Variants in TPD52L3 observed in about 807,000 individuals in gnomAD.
TPD52L3 encodes TPD52 like 3.
A neutral mutation model predicts 8.7 loss-of-function variants in TPD52L3; 12 were observed. That is an observed-to-expected ratio of 1.38 (90% CI 0.89 to 2.24). TPD52L3 has a LOEUF of 2.24. Ranked by LOEUF, TPD52L3 falls within the 30% of genes most tolerant of loss-of-function variation. The probability of loss-of-function intolerance (pLI) is 0.00; values close to 1 mark genes in which losing one functional copy is unlikely to be tolerated. For missense variants in TPD52L3, 207 were observed against 158.7 expected, an observed-to-expected ratio of 1.30 and a Z score of -1.64; for synonymous variants, 79 against 66.8, an observed-to-expected ratio of 1.18 and a Z score of -0.89.
rs755956706 is a variant in TPD52L3 at position 6,330,995 on chromosome 9, C to CA, written c.388dup (p.Thr130AsnfsTer36). 7.4e-6 allele frequency: 12 copies of CA among 1,612,424 alleles called. No individual in the cohort carries two copies. The African/African-American group carries it at 1.3e-4, about 18-fold the overall frequency. On this transcript the variant is annotated frameshift_variant, in exon 2 of 2. Coordinates refer to ENST00000314556, the MANE Select transcript of TPD52L3 (RefSeq NM_001001874.3). LOFTEE classifies it high-confidence loss of function. The stretch of plus-strand genomic sequence containing the variant: ...GCTTAGGATTGATCTTCAATAAATA[C>CA]ACGTTAAATCAAGGAAGGAATTAAC...
At chr9:6,330,338 G>T (rs1470368289) in intron 1 of TPD52L3, 2 of 1,505,626 alleles carry the variant, frequency 1.3e-6, no homozygotes, top group African/African-American at 2.8e-5. Flanking sequence ...GCCAAGATCT[G>T]GGAGCCTCTT....
intron 1 of TPD52L3, 157 bp from the exon 2 acceptor site, chr9:6,330,819 C>A: frequency 7.1e-7 from 1 of 1,416,344 alleles, no homozygotes; most frequent in African/African-American, 1.5e-5. Flanking sequence ...TAGGGACAAT[C>A]TCAGACTATT....
At chr9:6,329,094 G>T (rs947919826) in intron 1 of TPD52L3, 132 bp downstream of exon 1, 6 of 1,547,746 alleles carry the variant, frequency 3.9e-6, no homozygotes, top group Non-Finnish European at 5.2e-6. Flanking sequence ...TCCAGATTCC[G>T]GGGAGTGGGA....
chr9:6,329,530 T>C, intron 1 of TPD52L3: 1 of 1,009,178 alleles, frequency 9.9e-7, no homozygotes, highest in Non-Finnish European at 1.2e-6. Flanking sequence ...GAGTTCTGTT[T>C]AAGCTTGAAA....
At position 6,330,321 on chromosome 9, in the gene TPD52L3, T is replaced by A. The variant is rs2290913; in HGVS notation, c.368-655T>A. 3,910 of 1,536,038 alleles carry A rather than the reference T, an allele frequency of 2.5e-3. 128 individuals are homozygous for A. The East Asian group carries it at 0.078, about 31-fold the overall frequency. On this transcript the variant is annotated intron_variant, in intron 1 of 1. Coordinates refer to ENST00000314556, the MANE Select transcript of TPD52L3 (RefSeq NM_001001874.3). Reference sequence around the variant, plus strand: ...TTTTGTTTGTTTTCCTTTTCCATTTTCAAAATGCCAAGATCTGGGAGCCTC... The same window carrying A: ...TTTTGTTTGTTTTCCTTTTCCATTTACAAAATGCCAAGATCTGGGAGCCTC...
At chr9:6,330,131 G>A in intron 1 of TPD52L3, 3 of 1,611,344 alleles carry the variant, frequency 1.9e-6, no homozygotes, top group Non-Finnish European at 2.5e-6. Context: ...CCTTTGAATG[G>A]ACCTAACTAT....
Position 6,328,838 on chromosome 9 carries a change from T to C in TPD52L3, c.243T>C (p.Leu81=), listed in dbSNP as rs559225686. ...GLRQNLSKSW[L]DVQVSNTYVK... Reference sequence around the variant, plus strand: ...GACAGAATCTGTCCAAGAGCTGGCTTGATGTTCAGGTCTCCAACACCTATG... The same window carrying C: ...GACAGAATCTGTCCAAGAGCTGGCTCGATGTTCAGGTCTCCAACACCTATG... Residue 81 remains leucine, a synonymous_variant, in exon 1 of 2, where the codon CTT becomes CTC. Transcript: ENST00000314556. The C allele has an allele frequency of 2.4e-4, 380 of 1,614,190 alleles. 3 individuals are homozygous for C. The South Asian group carries it at 4.0e-3, about 17-fold the overall frequency.
chr9:6,330,789 T>A (rs187783070), intron 1 of TPD52L3, 187 bp from the exon 2 acceptor site: 1 of 1,359,606 alleles, frequency 7.4e-7, no homozygotes. Context: ...GGCTTTGACA[T>A]ATTTCAGGAA....
intron 1 of TPD52L3, 198 bp downstream of exon 1, chr9:6,329,160 A>T: frequency 6.8e-7 from 1 of 1,464,198 alleles, no homozygotes; most frequent in Non-Finnish European, 9.0e-7. Context: ...TTCTGGAACC[A>T]GAATGAGCCC....
At position 6,329,971 on chromosome 9, in the gene TPD52L3, T is replaced by A. The variant is rs978043293; in HGVS notation, c.368-1005T>A. ...CAGCACTTCACTTAAAAGGAAGAAA[T>A]TGCCTCTCTGGCAGCAATTCCTAGT... On this transcript the variant is annotated intron_variant, in intron 1 of 1. Coordinates refer to ENST00000314556, the MANE Select transcript of TPD52L3 (RefSeq NM_001001874.3). The A allele has an allele frequency of 3.8e-6, 5 of 1,321,504 alleles. No individual in the cohort carries two copies. The Admixed American group carries it at 1.9e-4, about 49-fold the overall frequency. The allele number at this position is 1,321,504 out of a possible 1,614,324, so 81.9% of individuals were successfully genotyped here.
At chr9:6,329,010 T>C (rs371613505) in intron 1 of TPD52L3, 48 bp downstream of exon 1, 1 of 1,613,528 alleles carries the variant, frequency 6.2e-7, no homozygotes, top group Non-Finnish European at 8.5e-7. Flanking sequence ...CAAAAGAGCT[T>C]GGCCCTGACT....
At chr9:6,329,014 CCTGA>C in intron 1 of TPD52L3, 52 bp downstream of exon 1, 3 of 1,613,380 alleles carry the variant, frequency 1.9e-6, no homozygotes, top group Non-Finnish European at 2.5e-6. Context: ...AGAGCTTGGC[CCTGA>C]CTGTCTTTCT....
rs372748578 is a variant in TPD52L3 at position 6,328,982 on chromosome 9, G to A, written c.367+20G>A. 11 of 1,614,040 alleles carry A rather than the reference G, an allele frequency of 6.8e-6. No homozygotes were observed. Among genetic ancestry groups the A allele is most frequent in the Non-Finnish European group, 9.3e-6 (11 of 1,180,028 alleles). On this transcript the variant is annotated intron_variant, in intron 1 of 1. Coordinates refer to ENST00000314556, the MANE Select transcript of TPD52L3 (RefSeq NM_001001874.3). ...TTGAAGGTCTGATGGGGACAATCAA[G>A]TCCAAAGTCTCAGGGGGCAAAAGAG...
rs1435585090 is a variant in TPD52L3 at position 6,331,718 on chromosome 9, T to G, written c.*699T>G. 2 of 152,140 alleles carry G rather than the reference T, an allele frequency of 1.3e-5. No individual in the cohort carries two copies. Among genetic ancestry groups the G allele is most frequent in the Non-Finnish European group, 2.9e-5 (2 of 68,034 alleles). The allele number at this position is 152,140 out of a possible 1,614,324, so 9.4% of individuals were successfully genotyped here. On this transcript the variant is annotated 3_prime_UTR_variant, in exon 2 of 2. Coordinates refer to ENST00000314556, the MANE Select transcript of TPD52L3 (RefSeq NM_001001874.3). ...ATTTAAGAGGTAGAATCTCTCAGAC[T>G]TAGGAACCAACTGCATGAGGCGGGG...
chr9:6,329,158 C>A, intron 1 of TPD52L3, 196 bp downstream of exon 1: 1 of 1,463,932 alleles, frequency 6.8e-7, no homozygotes, highest in Non-Finnish European at 9.0e-7. Context: ...CTTTCTGGAA[C>A]CAGAATGAGC....
chr9:6,331,255 G>A lies in TPD52L3; in HGVS notation c.*236G>A, dbSNP rs1387832547. ...TTATAATTCAATGAGTCCTAAAATA[G>A]AGCTGTGTGCCAGAGATAAAAGAAG... On this transcript the variant is annotated 3_prime_UTR_variant, in exon 2 of 2. Coordinates refer to ENST00000314556, the MANE Select transcript of TPD52L3 (RefSeq NM_001001874.3). 2.5e-6 allele frequency: 1 copy of A among 399,754 alleles called. No individual in the cohort carries two copies. The highest frequency in any genetic ancestry group is 4.3e-5 in the Admixed American group (1 of 23,318). The allele number at this position is 399,754 out of a possible 1,614,324, so 24.8% of individuals were successfully genotyped here. A position where few individuals can be genotyped will look rare whatever the true frequency, so the allele number is the denominator to read the frequency against.
intron 1 of TPD52L3, chr9:6,329,830 T>C (rs1168663316): frequency 9.0e-7 from 1 of 1,106,462 alleles, no homozygotes; most frequent in African/African-American, 1.6e-5. Context: ...AAATTATTAC[T>C]ACTTTGAACA....
rs1818116598 is a variant in TPD52L3 at position 6,330,062 on chromosome 9, C to T, written c.368-914C>T. The stretch of plus-strand genomic sequence containing the variant: ...ATAGCCAAATTCAAGAAAGATAAAC[C>T]CCTGTCTCAAGGAACATTTTAAAAA... On this transcript the variant is annotated intron_variant, in intron 1 of 1. Transcript: ENST00000314556. 3.3e-6 allele frequency: 5 copies of T among 1,497,698 alleles called. No individual in the cohort carries two copies. The South Asian group carries it at 7.3e-5, about 22-fold the overall frequency. The allele number at this position is 1,497,698 out of a possible 1,614,324, so 92.8% of individuals were successfully genotyped here.
chr9:6,329,918 C>G (rs1818112870), intron 1 of TPD52L3: 2 of 1,287,440 alleles, frequency 1.6e-6, no homozygotes, highest in Non-Finnish European at 9.9e-7. Context: ...TAAAGTTTAA[C>G]CCTTGAAGCA....
Sources: allele counts gnomAD v4.1 joint callset, GRCh38; gene constraint gnomAD v4.1.1; transcripts MANE v1.5; gene names NCBI Gene and HGNC (gene_info 2026-07-23, HGNC 2026-07-21).